Variants in BLTP1 observed in about 807,000 individuals in gnomAD.
BLTP1 encodes fragile site-associated protein.
chr4:122,180,558 T>C, the BLTP1 span, among the ~76,000 whole-genome samples: 4 of 152,306 alleles, frequency 2.6e-5, no homozygotes, highest in East Asian at 5.8e-4. Context: ...AAGAAGTAGA[T>C]TGGAACCCAG....
chr4:122,248,186 A>G, the BLTP1 span: 8 of 860,756 alleles, frequency 9.3e-6, no homozygotes, highest in African/African-American at 1.8e-5. Context: ...GGGACTTTTC[A>G]TGACTACCTA....
At chr4:122,229,913 T>G in the BLTP1 span, 3 of 1,598,496 alleles carry the variant, frequency 1.9e-6, no homozygotes, top group Non-Finnish European at 2.6e-6. Context: ...TTGTTTCATT[T>G]TCTTCATTCA....
At chr4:122,297,486 G>C in the BLTP1 span, among the ~76,000 whole-genome samples, 2 of 152,196 alleles carry the variant, frequency 1.3e-5, no homozygotes, top group Non-Finnish European at 2.9e-5. Context: ...CATTGTAGAA[G>C]ACAGTGTTGG....
chr4:122,229,608 CTT>C, the BLTP1 span: 1 of 501,872 alleles, frequency 2.0e-6, no homozygotes. Flanking sequence ...GTTTCCCACT[CTT>C]TTATGGATTG....
At chr4:122,202,634 C>A in the BLTP1 span, 2 of 515,478 alleles carry the variant, frequency 3.9e-6, no homozygotes, top group Non-Finnish European at 5.0e-6. Flanking sequence ...CAAGTATTTA[C>A]TCCTTCACAT....
chr4:122,240,124 T>C, the BLTP1 span: 2 of 1,614,000 alleles, frequency 1.2e-6, no homozygotes, highest in Non-Finnish European at 1.7e-6. Context: ...CATCTATATA[T>C]TGTAGAAGGT....
the BLTP1 span, among the ~76,000 whole-genome samples, chr4:122,167,002 A>G: frequency 6.6e-6 from 1 of 152,074 alleles, no homozygotes; most frequent in East Asian, 1.9e-4. Context: ...AACAAGGCTT[A>G]TCTTTACTTT....
chr4:122,333,925 G>C, the BLTP1 span: 1 of 1,264,296 alleles, frequency 7.9e-7, no homozygotes, highest in Non-Finnish European at 1.1e-6. Flanking sequence ...TGACTTCTTT[G>C]TCTAATATAG....
the BLTP1 span, among the ~76,000 whole-genome samples, chr4:122,175,464 C>A: frequency 3.3e-5 from 5 of 152,208 alleles, no homozygotes; most frequent in South Asian, 6.2e-4. Context: ...TCCCTCTCTC[C>A]TGTAGAACTA....
At chr4:122,341,491 A>G in the BLTP1 span, among the ~76,000 whole-genome samples, 2 of 152,200 alleles carry the variant, frequency 1.3e-5, no homozygotes, top group African/African-American at 2.4e-5. Flanking sequence ...TCATAATGTC[A>G]TAAATTATTA....
At chr4:122,219,985 T>A in the BLTP1 span, among the ~76,000 whole-genome samples, 1 of 152,136 alleles carries the variant, frequency 6.6e-6, no homozygotes, top group Non-Finnish European at 1.5e-5. Context: ...ATTATGTAGT[T>A]TGGATCTAGC....
chr4:122,206,107 C>G, the BLTP1 span: 1 of 961,528 alleles, frequency 1.0e-6, no homozygotes, highest in South Asian at 4.8e-5. Context: ...TTTAAACATA[C>G]AGTGAATTGG....
At chr4:122,350,067 A>G in the BLTP1 span, 1 of 1,613,508 alleles carries the variant, frequency 6.2e-7, no homozygotes, top group Non-Finnish European at 8.5e-7. Context: ...AAAGTTCACA[A>G]GAACAATGTA....
chr4:122,276,154 T>C, the BLTP1 span: 14 of 724,776 alleles, frequency 1.9e-5, no homozygotes, highest in East Asian at 1.0e-4. Context: ...GGCCCTTTTA[T>C]ATAATAGATT....
chr4:122,359,650 A>G, the BLTP1 span: 4 of 1,612,998 alleles, frequency 2.5e-6, no homozygotes, highest in Non-Finnish European at 2.5e-6. Flanking sequence ...GATAGAGAAG[A>G]TAGCATCACT....
chr4:122,336,743 A>G, the BLTP1 span: 1 of 1,279,910 alleles, frequency 7.8e-7, no homozygotes, highest in Non-Finnish European at 1.0e-6. Flanking sequence ...GGAAAAACGT[A>G]TAGAATGAAG....
the BLTP1 span, chr4:122,354,091 T>C: frequency 3.1e-6 from 4 of 1,299,022 alleles, no homozygotes; most frequent in African/African-American, 6.0e-5. Flanking sequence ...TGTTTAGAAT[T>C]TAAATGGAGA....
the BLTP1 span, chr4:122,209,116 T>C: frequency 1.3e-6 from 2 of 1,545,768 alleles, no homozygotes; most frequent in Non-Finnish European, 1.7e-6. Flanking sequence ...AACATATTTA[T>C]GCACTAATTT....
At chr4:122,319,900 T>C in the BLTP1 span, among the ~76,000 whole-genome samples, 1 of 152,182 alleles carries the variant, frequency 6.6e-6, no homozygotes, top group African/African-American at 2.4e-5. Context: ...GTGGTCTCTC[T>C]TGGTGAAAGT....
Sources: gnomAD v4.1 joint callset for allele counts (sites outside exome capture counted in the v4.1 genomes callset) on GRCh38, gnomAD v4.1.1 for gene constraint, MANE v1.5 for transcripts, NCBI Gene and HGNC (gene_info 2026-07-23, HGNC 2026-07-21) for gene names.